Variants in WDR62 observed in about 807,000 individuals in gnomAD.
WDR62 encodes WD repeat-containing protein 62.
A neutral mutation model predicts 160.6 loss-of-function variants in WDR62; 112 were observed. The observed-to-expected ratio is 0.70, with a 90% CI of 0.60 to 0.82. The LOEUF (loss-of-function observed/expected upper bound fraction) is 0.82, where lower values mean the gene tolerates loss of function less well. WDR62 is among the 40% of genes least tolerant of loss of function. The pLI, the probability that WDR62 is intolerant of heterozygous loss-of-function variation, is 0.00. For missense variants in WDR62, 1,819 were observed against 1,983.8 expected (o/e 0.92, Z 1.58); for synonymous variants, 792 against 815.1 (o/e 0.97, Z 0.48).
intron 9 of WDR62, among the ~76,000 whole-genome samples, chr19:36,076,597 GT>G (rs199953421): frequency 2.6e-4 from 39 of 150,714 alleles, no homozygotes; most frequent in African/African-American, 9.0e-4. Context: ...GAAGGCCAGG[GT>G]TTTTTTTTAG....
chr19:36,106,107 A>T (rs1041905604), downstream of WDR62, among the ~76,000 whole-genome samples: 4 of 152,150 alleles, frequency 2.6e-5, no homozygotes, highest in South Asian at 8.3e-4. Context: ...GGGACCAATA[A>T]CTGCTTCCCC....
intron 18 of WDR62, 86 bp downstream of exon 18, chr19:36,091,551 T>TG: frequency 7.4e-7 from 1 of 1,343,762 alleles, no homozygotes. Context: ...ATTTCTAAAC[T>TG]GCCCAGTTTG....
intron 26 of WDR62, chr19:36,102,513 G>T: frequency 1.7e-6 from 1 of 599,596 alleles, no homozygotes. Context: ...TGCCCGCCTT[G>T]GCCTCCCAAA....
intron 15 of WDR62, among the ~76,000 whole-genome samples, chr19:36,090,149 A>G (rs536584034): frequency 2.0e-5 from 3 of 152,182 alleles, no homozygotes; most frequent in Non-Finnish European, 4.4e-5. Context: ...AGGGGGAGGC[A>G]GAGAGTGAGT....
At chr19:36,081,600 C>T (rs780314377) in intron 10 of WDR62, 30 bp downstream of exon 10, 30 of 1,613,986 alleles carry the variant, frequency 1.9e-5, no homozygotes, top group Admixed American at 5.0e-5. Flanking sequence ...AACCATCTTT[C>T]AGGAGGAACA....
In WDR62 at chr19:36,089,190, G is replaced by A. The variant is rs752207581; in HGVS notation, c.1842G>A (p.Ser614=). 1.1e-4 allele frequency: 170 copies of A among 1,613,976 alleles called. No individual in the cohort carries two copies. Among genetic ancestry groups the A allele is most frequent in the Non-Finnish European group, 1.2e-4 (142 of 1,180,002 alleles). ...GGTCCTGCCGGCCCTGCCAGGGTTCGGATGGACTACACTTTGTCCGTACCC... is the reference window on the plus strand; with the variant it reads ...GGTCCTGCCGGCCCTGCCAGGGTTCAGATGGACTACACTTTGTCCGTACCC... ...SIYFRSAQQG[S]DGLHFVRTHH... Residue 614 remains serine (S), a synonymous_variant, in exon 15 of 32, where the codon TCG becomes TCA. Transcript: ENST00000401500.
In WDR62 at chr19:36,073,405, C is replaced by T. The variant is rs1406441493; in HGVS notation, c.1107C>T (p.Pro369=). The change falls in exon 9 of 32, where the codon CCC becomes CCT. Residue 369 remains proline (P), a synonymous_variant. Coordinates refer to ENST00000401500, the MANE Select transcript of WDR62 (RefSeq NM_001083961.2). ...YPDTVALTFD[P]IHQWLSCVYK... is the part of the protein sequence containing the mutation. ...ATACAGTGGCACTGACCTTCGACCC[C>T]ATCCACCAGTGGCTGTCCTGCGTGT... 1 of 1,614,182 alleles carries T rather than the reference C, an allele frequency of 6.2e-7. No homozygotes were observed. The highest frequency in any genetic ancestry group is 8.5e-7 in the Non-Finnish European group (1 of 1,180,032).
At chr19:36,079,229 G>C (rs1199611297) in intron 9 of WDR62, among the ~76,000 whole-genome samples, 1 of 151,784 alleles carries the variant, frequency 6.6e-6, no homozygotes, top group Non-Finnish European at 1.5e-5. Flanking sequence ...CCACAGGCAT[G>C]CACTACCATG....
chr19:36,090,113 CTGGGGAGGATG>C (rs1374520267), intron 15 of WDR62, among the ~76,000 whole-genome samples: 3 of 152,154 alleles, frequency 2.0e-5, no homozygotes, highest in Non-Finnish European at 4.4e-5. Flanking sequence ...ACACCTTAGC[CTGGGGAGGATG>C]TGGAGGAGCG....
chr19:36,089,723 C>T (rs185558035), intron 15 of WDR62, among the ~76,000 whole-genome samples: 1 of 152,222 alleles, frequency 6.6e-6, no homozygotes, highest in Non-Finnish European at 1.5e-5. Flanking sequence ...GGATTACAGG[C>T]GTGAGCCACC....
intron 12 of WDR62, 50 bp downstream of exon 12, chr19:36,084,794 C>G (rs370325651): frequency 6.4e-7 from 1 of 1,550,964 alleles, no homozygotes; most frequent in East Asian, 2.2e-5. Flanking sequence ...AGGCAGCCCC[C>G]CTGGCAGGGC....
In WDR62 at chr19:36,068,053, C is replaced by T. The variant is rs578079250; in HGVS notation, c.882+43C>T. Reference sequence around the variant, plus strand: ...GCCATCAGCTGGACAGACTCTTTCTCGTGATATGTGTCTGCAGGGGTGCTC... The same window carrying T: ...GCCATCAGCTGGACAGACTCTTTCTTGTGATATGTGTCTGCAGGGGTGCTC... On this transcript the variant is annotated intron_variant, in intron 7 of 31. Coordinates refer to ENST00000401500, the MANE Select transcript of WDR62 (RefSeq NM_001083961.2). 8.8e-6 allele frequency: 14 copies of T among 1,588,488 alleles called. No individual in the cohort carries two copies. The East Asian group carries it at 1.4e-4, about 15-fold the overall frequency.
intron 12 of WDR62, 73 bp downstream of exon 12, chr19:36,084,817 T>A: frequency 7.1e-7 from 1 of 1,402,170 alleles, no homozygotes; most frequent in Non-Finnish European, 1.0e-6. Flanking sequence ...CAGAAAGGGG[T>A]AGTTGGTGTC....
chr19:36,082,611 A>G (rs1174376708), intron 10 of WDR62, among the ~76,000 whole-genome samples: 1 of 152,196 alleles, frequency 6.6e-6, no homozygotes, highest in East Asian at 1.9e-4. Flanking sequence ...TTGGCTGCAC[A>G]CAATAGAAAA....
chr19:36,088,007 AG>A (rs1972356638), intron 13 of WDR62, among the ~76,000 whole-genome samples: 2 of 152,238 alleles, frequency 1.3e-5, no homozygotes, highest in Admixed American at 1.3e-4. Flanking sequence ...ACATTACCAG[AG>A]GCTTGCAGGC....
chr19:36,055,960 G>A (rs948348422), intron 1 of WDR62, among the ~76,000 whole-genome samples: 1 of 152,202 alleles, frequency 6.6e-6, no homozygotes, highest in African/African-American at 2.4e-5. Flanking sequence ...CCTGAGATCA[G>A]TTCAAGACCA....
intron 20 of WDR62, among the ~76,000 whole-genome samples, chr19:36,095,493 G>C (rs1026956505): frequency 2.0e-5 from 3 of 152,162 alleles, no homozygotes; most frequent in African/African-American, 7.2e-5. Flanking sequence ...ACCTGACCAG[G>C]CATCAAAGAT....
chr19:36,103,275 T>A, intron 29 of WDR62, 68 bp downstream of exon 29: 1 of 1,611,952 alleles, frequency 6.2e-7, no homozygotes, highest in South Asian at 1.1e-5. Context: ...CCAGCCTAGC[T>A]GTGGGGCGTG....
At position 36,067,295 on chromosome 19, in the gene WDR62, T is replaced by G. The variant is rs745677277; in HGVS notation, c.562-11T>G. On this transcript the variant is annotated splice_polypyrimidine_tract_variant and intron_variant, in intron 5 of 31. Transcript: ENST00000401500. ...GTGCTGGCATGAGCTTCTCTGCACT[T>G]ATTCTTCCAGAAAGACATCGTAGTG... 6.2e-7 allele frequency: 1 copy of G among 1,614,136 alleles called. No individual in the cohort carries two copies. The highest frequency in any genetic ancestry group is 8.5e-7 in the Non-Finnish European group (1 of 1,180,030).
Sources: allele counts gnomAD v4.1 joint callset (sites outside exome capture counted in the v4.1 genomes callset), GRCh38; gene constraint gnomAD v4.1.1; transcripts MANE v1.5; gene names NCBI Gene and HGNC (gene_info 2026-07-23, HGNC 2026-07-21).